Variants in FGFR4 observed in about 807,000 individuals in gnomAD.
FGFR4 encodes fibroblast growth factor receptor 4.
In FGFR4, 63 loss-of-function variants were observed where a neutral mutation model predicts 89.9. The observed-to-expected ratio is 0.70, with a 90% CI of 0.57 to 0.86. The LOEUF is 0.86. Ranked by LOEUF, FGFR4 falls within the 40% of genes least tolerant of loss-of-function variation. The pLI is 0.00. For synonymous variants in FGFR4, 486 were observed against 479.4 expected, an observed-to-expected ratio of 1.01 and a Z score of -0.18; for missense variants, 928 against 1,106.7, an observed-to-expected ratio of 0.84 and a Z score of 2.29.
chr5:177,095,493 C>G lies in FGFR4; in HGVS notation c.1631-40C>G. On this transcript the variant is annotated intron_variant, in intron 12 of 17. Coordinates refer to ENST00000292408, the MANE Select transcript of FGFR4 (RefSeq NM_213647.3). The surrounding 1 kb of genome is among the most constrained non-coding windows in gnomAD (Gnocchi z 5.7). ...GGGCCGTTAGGGTGCAGAGCCAAAGCTTTGGCAGCCTCTCCACGCTCCCTC... is the reference window on the plus strand; with the variant it reads ...GGGCCGTTAGGGTGCAGAGCCAAAGGTTTGGCAGCCTCTCCACGCTCCCTC... 5.0e-6 allele frequency: 8 copies of G among 1,613,080 alleles called. No individual in the cohort carries two copies. Among genetic ancestry groups the G allele is most frequent in the Non-Finnish European group, 6.8e-6 (8 of 1,179,570 alleles).
At chr5:177,090,104 G>T (rs1489324016) in intron 2 of FGFR4, 6 of 672,808 alleles carry the variant, frequency 8.9e-6, no homozygotes, top group Admixed American at 8.4e-5. Flanking sequence ...TGCCTTGTGT[G>T]TGTGTGTGTC....
Position 177,092,742 on chromosome 5 carries a change from A to G in FGFR4, c.1015A>G (p.Ile339Val). 1 of 1,614,242 alleles carries G rather than the reference A, an allele frequency of 6.2e-7. No homozygotes were observed. Residue 339 changes from isoleucine to valine, a missense_variant, in exon 8 of 18, where the codon ATC becomes GTC. By Grantham distance (29) the Ile-to-Val change is conservative. Coordinates refer to ENST00000292408, the MANE Select transcript of FGFR4 (RefSeq NM_213647.3). Reference sequence around the variant, plus strand: ...GTACACCTGCCTCGCAGGCAATTCCATCGGCCTCTCCTACCAGTCTGCCTG... The same window carrying G: ...GTACACCTGCCTCGCAGGCAATTCCGTCGGCCTCTCCTACCAGTCTGCCTG... Reference protein sequence around the residue: ...GEYTCLAGNSIGLSYQSAWLT... With the variant: ...GEYTCLAGNSVGLSYQSAWLT...
At chr5:177,092,956 G>T (rs772723977) in intron 8 of FGFR4, 172 bp downstream of exon 8, 2 of 1,289,930 alleles carry the variant, frequency 1.6e-6, no homozygotes, top group Non-Finnish European at 2.2e-6. Flanking sequence ...CTCTCCACAC[G>T]TGGCCGTCCA....
chr5:177,092,612 C>G (rs1455735766), intron 7 of FGFR4, 34 bp from the exon 8 acceptor site: 1 of 1,584,226 alleles, frequency 6.3e-7, no homozygotes, highest in African/African-American at 1.3e-5. Flanking sequence ...GCCCCAGGCC[C>G]TGCTGTGACC....
At position 177,097,667 on chromosome 5, in the gene FGFR4, G is replaced by T; in HGVS notation, c.2400G>T (p.Val800=). The T allele has an allele frequency of 6.2e-7, 1 of 1,613,714 alleles. No individual in the cohort carries two copies. The highest frequency in any genetic ancestry group is 8.5e-7 in the Non-Finnish European group (1 of 1,179,728). The change falls in exon 18 of 18, where the codon GTG becomes GTT. Residue 800 remains valine (V), a synonymous_variant. Coordinates refer to ENST00000292408, the MANE Select transcript of FGFR4 (RefSeq NM_213647.3). ...GSSSFPFGSG[V]QT The stretch of plus-strand genomic sequence containing the variant: ...GCTCCTTCCCCTTCGGGTCTGGGGT[G>T]CAGACATGAGCAAGGCTCAAGGCTG...
chr5:177,090,684 GC>G (rs1345608184), intron 3 of FGFR4, 31 bp downstream of exon 3: 13 of 1,538,820 alleles, frequency 8.4e-6, no homozygotes, highest in Admixed American at 2.0e-5. Context: ...GTGAAGGGAT[GC>G]CTGGGGAGAC....
intron 1 of FGFR4, 93 bp from the exon 2 acceptor site, chr5:177,089,457 A>G (rs1427602303): frequency 7.2e-7 from 1 of 1,395,702 alleles, no homozygotes; most frequent in Admixed American, 2.7e-5. Flanking sequence ...TCTGCTGGCC[A>G]CTTCCTGTCT....
intron 17 of FGFR4, 50 bp downstream of exon 17, chr5:177,097,447 C>T (rs753638512): frequency 6.2e-7 from 1 of 1,603,076 alleles, no homozygotes; most frequent in Non-Finnish European, 8.5e-7. Flanking sequence ...CCCTCCAGGC[C>T]TCATCTGGCC....
In FGFR4 at chr5:177,092,336, G is replaced by A. The variant is rs758837002; in HGVS notation, c.743G>A (p.Arg248Gln). The change falls in exon 7 of 18, where the codon CGG becomes CAG. Residue 248 changes from arginine (R) to glutamine (Q), a missense_variant. By Grantham distance (43) the Arg-to-Gln change is conservative. Transcript: ENST00000292408. ...CGGTCCCCAGAGCGGTCCCCGCACC[G>A]GCCCATCCTGCAGGCCGGGCTCCCG... ...LLDVLERSPH[R>Q]PILQAGLPAN... is the part of the protein sequence containing the mutation. The A allele has an allele frequency of 1.4e-5, 22 of 1,589,214 alleles. No homozygotes were observed. Among genetic ancestry groups the A allele is most frequent in the East Asian group, 1.1e-4 (5 of 44,350 alleles).
In FGFR4 at chr5:177,091,691, C is replaced by T. The variant is rs1349255606; in HGVS notation, c.610C>T (p.His204Tyr). Reference sequence around the variant, plus strand: ...ACACTCTCTCTGCCTGCAGCTGCGCCATCAGCACTGGAGTCTCGTGATGGA... The same window carrying T: ...ACACTCTCTCTGCCTGCAGCTGCGCTATCAGCACTGGAGTCTCGTGATGGA... ...ENRIGGIRLR[H>Y]QHWSLVMESV... is the part of the protein sequence containing the mutation. Residue 204 changes from histidine (H) to tyrosine (Y), a missense_variant, in exon 6 of 18, where the codon CAT (histidine) becomes TAT (tyrosine). This residue lies in a region of FGFR4 where 741 missense variants were observed against 836.9 expected (regional missense o/e 0.89). Coordinates refer to ENST00000292408, the MANE Select transcript of FGFR4 (RefSeq NM_213647.3). 1 of 1,614,086 alleles carries T rather than the reference C, an allele frequency of 6.2e-7. No homozygotes were observed. Among genetic ancestry groups the T allele is most frequent in the African/African-American group, 1.3e-5 (1 of 74,950 alleles).
At position 177,095,797 on chromosome 5, in the gene FGFR4, C is replaced by G; in HGVS notation, c.1821+74C>G. On this transcript the variant is annotated intron_variant, in intron 13 of 17. Coordinates refer to ENST00000292408, the MANE Select transcript of FGFR4 (RefSeq NM_213647.3). The surrounding 1 kb of genome is among the most constrained non-coding windows in gnomAD (Gnocchi z 5.7). ...CTCAGGCCTGTGGCATTCAATGTCC[C>G]GACTTCTCCCTCTCTGCTCTTTTTC... The G allele has an allele frequency of 7.1e-7, 1 of 1,409,138 alleles. No homozygotes were observed. Among genetic ancestry groups the G allele is most frequent in the Non-Finnish European group, 9.5e-7 (1 of 1,055,974 alleles). The allele number at this position is 1,409,138 out of a possible 1,614,324, so 87.3% of individuals were successfully genotyped here. A position where few individuals can be genotyped will look rare whatever the true frequency, so the allele number is the denominator to read the frequency against.
rs45594736 is a variant in FGFR4, at chr5:177,091,943, A to G, written c.727+135A>G. On this transcript the variant is annotated intron_variant, in intron 6 of 17. Transcript: ENST00000292408. ...CTTGGTGAGCAGGTGGGTCAGGGGA[A>G]AGCACAGGGGTTAGTGTGGGGCTGG... 3,131 of 1,183,162 alleles carry G rather than the reference A, an allele frequency of 2.6e-3. 57 individuals are homozygous for G. The African/African-American group carries it at 0.041, about 15-fold the overall frequency. 73.3% of individuals were successfully genotyped at this position (1,183,162 alleles called of 1,614,324 possible).
Position 177,093,890 on chromosome 5 carries a change from G to C in FGFR4, c.1519+115G>C, listed in dbSNP as rs774936481. The stretch of plus-strand genomic sequence containing the variant: ...GAGGCCAGCCTGGGCAACATGGCAA[G>C]ACTTCATCTCTACAAAAAAAAAATA... On this transcript the variant is annotated intron_variant, in intron 11 of 17. Transcript: ENST00000292408. This position sits in a 1 kb window ranked among gnomAD's most constrained non-coding sequence, Gnocchi z 5.8. The C allele has an allele frequency of 3.4e-5, 41 of 1,210,908 alleles. No homozygotes were observed. Among genetic ancestry groups the C allele is most frequent in the Non-Finnish European group, 4.5e-5 (40 of 884,026 alleles). 75.0% of individuals were successfully genotyped at this position (1,210,908 alleles called of 1,614,324 possible).
At position 177,097,891 on chromosome 5, in the gene FGFR4, G is replaced by C. The variant is rs911211924; in HGVS notation, c.*215G>C. 13 of 496,184 alleles carry C rather than the reference G, an allele frequency of 2.6e-5. No homozygotes were observed. The South Asian group carries it at 4.3e-4, about 17-fold the overall frequency. The allele number at this position is 496,184 out of a possible 1,614,324, so 30.7% of individuals were successfully genotyped here. A position where few individuals can be genotyped will look rare whatever the true frequency, so the allele number is the denominator to read the frequency against. ...TCTGCTCGGCTTCTTGGACCTTGGC[G>C]CTTAGTCCCCATCCCGGGTTTGGCT... is the stretch of plus-strand genomic sequence containing the variant. On this transcript the variant is annotated 3_prime_UTR_variant, in exon 18 of 18. Coordinates refer to ENST00000292408, the MANE Select transcript of FGFR4 (RefSeq NM_213647.3).
rs1274567866 is a variant in FGFR4 at position 177,096,340 on chromosome 5, C to T, written c.1998C>T (p.Tyr666=). 4 of 1,613,922 alleles carry T rather than the reference C, an allele frequency of 2.5e-6. No homozygotes were observed. Among genetic ancestry groups the T allele is most frequent in the African/African-American group, 2.7e-5 (2 of 74,936 alleles). The change falls in exon 15 of 18, where the codon TAC becomes TAT. Residue 666 remains tyrosine (Y), a synonymous_variant. Coordinates refer to ENST00000292408, the MANE Select transcript of FGFR4 (RefSeq NM_213647.3). ...CCGAGGCCTTGTTTGACCGGGTGTACACACACCAGAGTGACGTGTGAGTCC... is the reference window on the plus strand; with the variant it reads ...CCGAGGCCTTGTTTGACCGGGTGTATACACACCAGAGTGACGTGTGAGTCC... ...MAPEALFDRV[Y]THQSDVWSFG...
In FGFR4 at chr5:177,090,118, ATGTG is replaced by A. The variant is rs754226954; in HGVS notation, c.92-262_92-259del. 134 of 632,326 alleles carry A rather than the reference ATGTG, an allele frequency of 2.1e-4. 1 individual carries two copies. The highest frequency in any genetic ancestry group is 3.6e-4 in the Admixed American group (16 of 44,270). 39.2% of individuals were successfully genotyped at this position (632,326 alleles called of 1,614,324 possible). On this transcript the variant is annotated intron_variant, in intron 2 of 17. Coordinates refer to ENST00000292408, the MANE Select transcript of FGFR4 (RefSeq NM_213647.3). Reference sequence around the variant, plus strand: ...GTGCCTTGTGTGTGTGTGTGTCCGTATGTGTGTGTGTGTATGCGTGTGTGTGTGT... The same window carrying A: ...GTGCCTTGTGTGTGTGTGTGTCCGTATGTGTGTGTATGCGTGTGTGTGTGT...
rs1192504920 is a variant in FGFR4 at position 177,097,302 on chromosome 5, A to G, written c.2164A>G (p.Met722Val). ...CCCCACCTCTCGCAGGTACGGGCTGATGCGTGAGTGCTGGCACGCAGCGCC... is the reference window on the plus strand; with the variant it reads ...CCCCACCTCTCGCAGGTACGGGCTGGTGCGTGAGTGCTGGCACGCAGCGCC... Reference protein sequence around the residue: ...PHCPPELYGLMRECWHAAPSQ... With the variant: ...PHCPPELYGLVRECWHAAPSQ... Residue 722 changes from methionine (M) to valine (V), a missense_variant, in exon 17 of 18, where the codon ATG (methionine) becomes GTG (valine). Coordinates refer to ENST00000292408, the MANE Select transcript of FGFR4 (RefSeq NM_213647.3). The G allele has an allele frequency of 1.2e-6, 2 of 1,605,454 alleles. No homozygotes were observed. Among genetic ancestry groups the G allele is most frequent in the Admixed American group, 3.4e-5 (2 of 58,930 alleles).
rs762728948 is a variant in FGFR4, at chr5:177,090,466, C to G, written c.168C>G (p.Cys56Trp). 3 of 1,599,278 alleles carry G rather than the reference C, an allele frequency of 1.9e-6. No homozygotes were observed. In the East Asian group the frequency reaches 6.7e-5, roughly 36 times the overall value. The change falls in exon 3 of 18, where the codon TGC becomes TGG. Residue 56 changes from cysteine to tryptophan, a missense_variant. Cys to Trp is a radical substitution (Grantham distance 215, BLOSUM62 -2). This residue lies in a region of FGFR4 where 741 missense variants were observed against 836.9 expected (regional missense o/e 0.89). Coordinates refer to ENST00000292408, the MANE Select transcript of FGFR4 (RefSeq NM_213647.3). ...CCCTTGGGCAGCCTGTGCGTCTGTG[C>G]TGTGGGCGGGCTGAGCGTGGTGGCC... ...TVALGQPVRL[C>W]CGRAERGGHW...
At chr5:177,092,566 G>T (rs1784404917) in intron 7 of FGFR4, 55 bp downstream of exon 7, 2 of 1,496,218 alleles carry the variant, frequency 1.3e-6, no homozygotes, top group East Asian at 2.3e-5. Flanking sequence ...ACCTTGGGTT[G>T]GGGGGCTCCC....
Sources: gnomAD v4.1 joint callset for allele counts on GRCh38, gnomAD v4.1.1 for gene constraint, gnomAD v4.1.1 regional missense constraint, Gnocchi (gnomAD v3.1) non-coding constraint, MANE v1.5 for transcripts, NCBI Gene and HGNC (gene_info 2026-07-23, HGNC 2026-07-21) for gene names.